PCCA: variants seen among roughly 807,000 people sequenced by gnomAD.
The protein encoded by PCCA is propionyl-CoA carboxylase subunit alpha.
Under a neutral mutation model 101.3 loss-of-function variants are expected in PCCA, and 74 were observed. That is an observed-to-expected ratio of 0.73 (90% CI 0.61 to 0.89). The LOEUF (loss-of-function observed/expected upper bound fraction) is 0.89. PCCA is among the 40% of genes least tolerant of loss of function. The probability of loss-of-function intolerance (pLI) is 0.00; values close to 1 mark genes in which losing one functional copy is unlikely to be tolerated. For synonymous variants in PCCA, 294 were observed against 313.6 expected, an observed-to-expected ratio of 0.94 and a Z score of 0.66; for missense variants, 891 against 907.0, an observed-to-expected ratio of 0.98 and a Z score of 0.23.
chr13:100,208,429 G>A lies in PCCA; in HGVS notation c.469-903G>A, dbSNP rs937324378. 3.3e-5 allele frequency among the ~76,000 whole-genome samples: 5 copies of A among 152,160 alleles called. No individual in the cohort carries two copies. In the South Asian group the frequency reaches 1.0e-3, roughly 31 times the overall value. On this transcript the variant is annotated intron_variant, in intron 6 of 23. Transcript: ENST00000376285. ...TGTTTATACCAACTCTGACAAGGTCGTAGGACAATCAGCAGTTAGGCGCCT... is the reference window on the plus strand; with the variant it reads ...TGTTTATACCAACTCTGACAAGGTCATAGGACAATCAGCAGTTAGGCGCCT...
intron 16 of PCCA, among the ~76,000 whole-genome samples, chr13:100,316,469 C>T (rs890485988): frequency 6.6e-6 from 1 of 152,078 alleles, no homozygotes. Context: ...AAATTAACAC[C>T]TATTTTTCAG....
At chr13:100,297,268 A>G (rs2065625407) in intron 12 of PCCA, among the ~76,000 whole-genome samples, 1 of 152,194 alleles carries the variant, frequency 6.6e-6, no homozygotes, top group Admixed American at 6.5e-5. Flanking sequence ...ATAGGGAGAT[A>G]CTTTGAGACT....
At chr13:100,117,584 G>A (rs545192299) in intron 4 of PCCA, among the ~76,000 whole-genome samples, 40 of 152,110 alleles carry the variant, frequency 2.6e-4, no homozygotes, top group African/African-American at 9.4e-4. Context: ...GAAGACACTT[G>A]GACACAGGGT....
chr13:100,325,989 A>T (rs1157678756), intron 16 of PCCA, among the ~76,000 whole-genome samples: 5 of 152,220 alleles, frequency 3.3e-5, no homozygotes, highest in African/African-American at 1.2e-4. Context: ...TTTCAGGCTC[A>T]TTATACACAG....
chr13:100,325,114 A>T (rs570462430), intron 16 of PCCA, among the ~76,000 whole-genome samples: 12 of 152,204 alleles, frequency 7.9e-5, no homozygotes, highest in Non-Finnish European at 1.3e-4. Flanking sequence ...AAAAAAAAAT[A>T]AAATGAAATT....
At chr13:100,377,670 A>G (rs1355103002) in intron 19 of PCCA, among the ~76,000 whole-genome samples, 2 of 151,582 alleles carry the variant, frequency 1.3e-5, no homozygotes, top group African/African-American at 4.8e-5. Flanking sequence ...AATTTTTTAT[A>G]TTTTTAGTAG....
At chr13:100,514,855 CA>C (rs1179261489) in intron 21 of PCCA, among the ~76,000 whole-genome samples, 1 of 152,138 alleles carries the variant, frequency 6.6e-6, no homozygotes, top group Non-Finnish European at 1.5e-5. Context: ...TAAGAAAAGC[CA>C]ACGTTTTCAG....
At chr13:100,392,670 G>A (rs1370090059) in intron 19 of PCCA, among the ~76,000 whole-genome samples, 1 of 152,136 alleles carries the variant, frequency 6.6e-6, no homozygotes, top group Non-Finnish European at 1.5e-5. Context: ...AAACTGTCAT[G>A]GAATGCCTGA....
At chr13:100,526,195 C>T (rs934407774) in intron 22 of PCCA, among the ~76,000 whole-genome samples, 3 of 152,230 alleles carry the variant, frequency 2.0e-5, no homozygotes, top group African/African-American at 4.8e-5. Context: ...TCTGACACCC[C>T]TGATGGGGGC....
At chr13:100,486,063 AG>A (rs2084350996) in intron 21 of PCCA, among the ~76,000 whole-genome samples, 1 of 152,206 alleles carries the variant, frequency 6.6e-6, no homozygotes, top group African/African-American at 2.4e-5. Context: ...TGCATATGGC[AG>A]GTCGGAGCCC....
intron 6 of PCCA, among the ~76,000 whole-genome samples, chr13:100,164,860 T>C (rs2054868960): frequency 6.6e-6 from 1 of 152,308 alleles, no homozygotes; most frequent in East Asian, 1.9e-4. Context: ...CACCTACTCC[T>C]AGCCCCTGGT....
At position 100,207,691 on chromosome 13, in the gene PCCA, G is replaced by C. The variant is rs185269535; in HGVS notation, c.469-1641G>C. Reference sequence around the variant, plus strand: ...CACCACACCCGGACTGCCATTCACAGCTTTTAATTCCGTCCTGTATTTGAT... The same window carrying C: ...CACCACACCCGGACTGCCATTCACACCTTTTAATTCCGTCCTGTATTTGAT... On this transcript the variant is annotated intron_variant, in intron 6 of 23. Coordinates refer to ENST00000376285, the MANE Select transcript of PCCA (RefSeq NM_000282.4). Among the ~76,000 whole-genome samples the C allele has an allele frequency of 2.0e-3, 300 of 151,912 alleles. 3 individuals are homozygous for C. The highest frequency in any genetic ancestry group is 0.017 in the Admixed American group (265 of 15,252).
At chr13:100,316,353 AT>A (rs2067349546) in intron 16 of PCCA, among the ~76,000 whole-genome samples, 1 of 152,244 alleles carries the variant, frequency 6.6e-6, no homozygotes, top group South Asian at 2.1e-4. Flanking sequence ...AAGTAGAAAG[AT>A]TTTTAAAATT....
At chr13:100,412,671 G>GT (rs909012756) in intron 19 of PCCA, among the ~76,000 whole-genome samples, 24 of 151,106 alleles carry the variant, frequency 1.6e-4, no homozygotes, top group Non-Finnish European at 1.6e-4. Flanking sequence ...AGTTAGTTTT[G>GT]TTTTTTTTTA....
At chr13:100,274,016 A>C (rs1435902269) in intron 12 of PCCA, among the ~76,000 whole-genome samples, 1 of 152,222 alleles carries the variant, frequency 6.6e-6, no homozygotes, top group East Asian at 1.9e-4. Flanking sequence ...TAAAGCAAAA[A>C]TCAATGTAAA....
chr13:100,437,514 CTA>C (rs1213367334), intron 20 of PCCA, among the ~76,000 whole-genome samples: 1 of 149,724 alleles, frequency 6.7e-6, no homozygotes, highest in Non-Finnish European at 1.5e-5. Context: ...AATGAAATAA[CTA>C]TTTTATATTT....
At chr13:100,348,763 TCTTTCTTTCTTTCTTTCTTTCTTTCTTC>T (rs1263087935) in intron 18 of PCCA, among the ~76,000 whole-genome samples, 1 of 84,898 alleles carries the variant, frequency 1.2e-5, no homozygotes, top group African/African-American at 4.9e-5. Flanking sequence ...TTTCTTTCTT[TCTTTCTTTCTTTCTTTCTTTCTTTCTTC>T]CTTCCTTCCT....
Position 100,309,867 on chromosome 13 carries a change from T to C in PCCA, c.1388T>C (p.Leu463Pro), listed in dbSNP as rs1050376815. The C allele has an allele frequency of 1.2e-6, 2 of 1,613,438 alleles. No homozygotes were observed. The highest frequency in any genetic ancestry group is 1.7e-6 in the Non-Finnish European group (2 of 1,179,556). ...TATGGCTCTGATAGAACTGAGGCAC[T>C]GAAGAGAATGGCAGATGCACTGGAT... ...ITYGSDRTEA[L>P]KRMADALDNY... Residue 463 changes from leucine to proline, a missense_variant, in exon 16 of 24, where the codon CTG becomes CCG. Leu to Pro is a moderately conservative substitution (Grantham distance 98). Transcript: ENST00000376285.
At chr13:100,161,616 A>G (rs1002984022) in intron 6 of PCCA, 1 of 152,160 alleles carries the variant, frequency 6.6e-6, no homozygotes, top group Non-Finnish European at 1.5e-5. Context: ...AATAAAGTGG[A>G]TTAAAAATGA....
Sources: allele counts gnomAD v4.1 joint callset (sites outside exome capture counted in the v4.1 genomes callset), GRCh38; gene constraint gnomAD v4.1.1; transcripts MANE v1.5; gene names NCBI Gene and HGNC (gene_info 2026-07-23, HGNC 2026-07-21).